The following DOCK2 variants were observed in gnomAD, a reference collection of about 807,000 sequenced individuals.
DOCK2 encodes the protein dedicator of cytokinesis protein 2.
In DOCK2, 87 loss-of-function variants were observed where a neutral mutation model predicts 248.9. The ratio of observed to expected loss-of-function variants is 0.35; its 90% confidence interval spans 0.29 to 0.42. The LOEUF (loss-of-function observed/expected upper bound fraction) is 0.42, where lower values mean the gene tolerates loss of function less well. Ranked by LOEUF, DOCK2 falls within the 10% of genes least tolerant of loss-of-function variation. The pLI, the probability that DOCK2 is intolerant of heterozygous loss-of-function variation, is 1.00. For synonymous variants in DOCK2, 805 were observed against 821.6 expected (o/e 0.98, Z 0.35); for missense variants, 1,747 against 2,300.2 (o/e 0.76, Z 4.92).
intron 26 of DOCK2, among the ~76,000 whole-genome samples, chr5:169,831,773 G>T (rs955160178): frequency 3.3e-5 from 5 of 152,154 alleles, no homozygotes; most frequent in Admixed American, 2.0e-4. Context: ...ATTAGCTATG[G>T]TTCCTCAAAA....
At chr5:169,711,207 T>C (rs1761565294) in intron 15 of DOCK2, among the ~76,000 whole-genome samples, 2 of 152,192 alleles carry the variant, frequency 1.3e-5, no homozygotes, top group Non-Finnish European at 2.9e-5. Flanking sequence ...CTTTTTAAAA[T>C]CAGTGTCCTT....
intron 27 of DOCK2, among the ~76,000 whole-genome samples, chr5:169,904,559 G>A (rs951086041): frequency 1.3e-5 from 2 of 152,110 alleles, no homozygotes; most frequent in African/African-American, 4.8e-5. Flanking sequence ...GGCCTTTAGA[G>A]TGCTGGCGAC....
At chr5:169,903,592 G>A (rs1341429128) in intron 27 of DOCK2, among the ~76,000 whole-genome samples, 1 of 152,150 alleles carries the variant, frequency 6.6e-6, no homozygotes, top group Non-Finnish European at 1.5e-5. Context: ...GTCACTTCAG[G>A]ACACAGTAGG....
chr5:169,775,560 T>C (rs1765337386), intron 25 of DOCK2, among the ~76,000 whole-genome samples: 1 of 152,094 alleles, frequency 6.6e-6, no homozygotes, highest in Admixed American at 6.5e-5. Flanking sequence ...ATAATGTTTA[T>C]AGAGTTTTAA....
chr5:169,969,213 G>A (rs948419968), intron 27 of DOCK2, among the ~76,000 whole-genome samples: 1 of 152,116 alleles, frequency 6.6e-6, no homozygotes, highest in Non-Finnish European at 1.5e-5. Flanking sequence ...GGGAGGCTGA[G>A]GCAGATAGAT....
chr5:170,070,632 G>T (rs541342602), intron 46 of DOCK2, among the ~76,000 whole-genome samples: 10 of 152,268 alleles, frequency 6.6e-5, no homozygotes, highest in Admixed American at 2.0e-4. Flanking sequence ...GCCAGGCTTT[G>T]ACTCGTTCCC....
At chr5:169,971,704 C>T (rs112898281) in intron 27 of DOCK2, among the ~76,000 whole-genome samples, 2 of 152,314 alleles carry the variant, frequency 1.3e-5, no homozygotes, top group East Asian at 1.9e-4. Context: ...CTCAAGACCT[C>T]GTCAGCAGAG....
At chr5:169,741,818 T>C (rs1206253170) in intron 22 of DOCK2, among the ~76,000 whole-genome samples, 1 of 144,498 alleles carries the variant, frequency 6.9e-6, no homozygotes. Context: ...TTTTTTTTTT[T>C]TTTTTTTTTG....
intron 7 of DOCK2, 89 bp downstream of exon 7, chr5:169,681,968 G>C: frequency 6.5e-7 from 1 of 1,538,744 alleles, no homozygotes; most frequent in Non-Finnish European, 8.8e-7. Context: ...ACCAGACTGT[G>C]TATTATTCAA....
rs1475800014 is a variant in DOCK2 at position 170,046,150 on chromosome 5, C to T, written c.3966+245C>T. Among the ~76,000 whole-genome samples the T allele has an allele frequency of 7.2e-5, 11 of 152,294 alleles. No individual in the cohort carries two copies. In the South Asian group the frequency reaches 8.3e-4, roughly 11 times the overall value. On this transcript the variant is annotated intron_variant, in intron 39 of 51. Coordinates refer to ENST00000520908, the MANE Select transcript of DOCK2 (RefSeq NM_004946.3). Reference sequence around the variant, plus strand: ...CCTCAAAGGGAGCATTGAGTACCTGCGAGGGGCTGCAACTGCCACCGCTGC... The same window carrying T: ...CCTCAAAGGGAGCATTGAGTACCTGTGAGGGGCTGCAACTGCCACCGCTGC...
intron 36 of DOCK2, 57 bp downstream of exon 36, chr5:170,036,612 C>A: frequency 1.3e-6 from 2 of 1,540,266 alleles, no homozygotes; most frequent in East Asian, 2.3e-5. Context: ...TGCTCAGTAT[C>A]CATCGATGGC....
chr5:169,841,393 C>T (rs1021205980), intron 27 of DOCK2: 23 of 987,286 alleles, frequency 2.3e-5, no homozygotes, highest in South Asian at 1.9e-4. Flanking sequence ...TTTCTTCTCC[C>T]GACACAGAAC....
At chr5:169,981,338 A>G (rs548305556) in intron 27 of DOCK2, among the ~76,000 whole-genome samples, 6 of 152,220 alleles carry the variant, frequency 3.9e-5, no homozygotes, top group Non-Finnish European at 4.4e-5. Context: ...ACGTGTATAT[A>G]TACATACAGG....
intron 1 of DOCK2, among the ~76,000 whole-genome samples, chr5:169,649,297 G>A (rs927068090): frequency 1.3e-5 from 2 of 152,300 alleles, no homozygotes. Context: ...GATGAGGTAC[G>A]AATCCATCTT....
intron 26 of DOCK2, among the ~76,000 whole-genome samples, chr5:169,821,465 T>C (rs1333986503): frequency 6.6e-6 from 1 of 152,128 alleles, no homozygotes; most frequent in Non-Finnish European, 1.5e-5. Flanking sequence ...GGGCCAATAT[T>C]CAACATTCTT....
At chr5:169,861,429 G>A (rs936920186) in intron 27 of DOCK2, among the ~76,000 whole-genome samples, 1 of 152,236 alleles carries the variant, frequency 6.6e-6, no homozygotes, top group African/African-American at 2.4e-5. Context: ...CTGGTATTAA[G>A]TTCCAAGGAT....
intron 1 of DOCK2, among the ~76,000 whole-genome samples, chr5:169,653,594 T>A (rs1255236310): frequency 1.3e-5 from 2 of 152,112 alleles, no homozygotes; most frequent in African/African-American, 4.8e-5. Flanking sequence ...GTCCCAATGG[T>A]GCTGTGCTGG....
chr5:169,934,689 A>G, intron 27 of DOCK2: 1 of 456,270 alleles, frequency 2.2e-6, no homozygotes, highest in Admixed American at 2.3e-5. Context: ...ATTGGGTGCT[A>G]CGGAGTATTA....
intron 29 of DOCK2, among the ~76,000 whole-genome samples, chr5:169,987,695 C>T (rs1778103126): frequency 6.6e-6 from 1 of 152,200 alleles, no homozygotes; most frequent in Non-Finnish European, 1.5e-5. Context: ...AGAAATGATA[C>T]AGTAATCCTT....
Sources: gnomAD v4.1 joint callset for allele counts (sites outside exome capture counted in the v4.1 genomes callset) on GRCh38, gnomAD v4.1.1 for gene constraint, MANE v1.5 for transcripts, NCBI Gene and HGNC (gene_info 2026-07-23, HGNC 2026-07-21) for gene names.